The following DLGAP2 variants were observed in gnomAD, a reference collection of about 807,000 sequenced individuals.
DLGAP2 encodes DLG associated protein 2.
DLGAP2 carries 26 observed loss-of-function variants against 100.3 expected under a neutral mutation model. The ratio of observed to expected loss-of-function variants is 0.26; its 90% CI spans 0.19 to 0.36. DLGAP2 has a LOEUF of 0.36. DLGAP2 is among the 10% of genes least tolerant of loss of function. The probability of loss-of-function intolerance (pLI) is 1.00; values close to 1 mark genes in which losing one functional copy is unlikely to be tolerated. For missense variants in DLGAP2, 1,858 were observed against 1,453.2 expected (o/e 1.28, Z -4.53); for synonymous variants, 886 against 630.1 (o/e 1.41, Z -6.08).
intron 3 of DLGAP2, among the ~76,000 whole-genome samples, chr8:1,446,116 T>G (rs957391046): frequency 6.6e-6 from 1 of 152,030 alleles, no homozygotes; most frequent in African/African-American, 2.4e-5. Flanking sequence ...TTTGTCAATT[T>G]TGGCTTTTGT....
intron 2 of DLGAP2, among the ~76,000 whole-genome samples, chr8:914,209 C>T (rs1473910380): frequency 6.6e-6 from 1 of 152,178 alleles, no homozygotes; most frequent in Admixed American, 6.5e-5. Flanking sequence ...AAAGCAAAGT[C>T]AGGGCTGAGC....
At chr8:888,210 C>G (rs1797960043) in intron 1 of DLGAP2, among the ~76,000 whole-genome samples, 1 of 152,148 alleles carries the variant, frequency 6.6e-6, no homozygotes, top group African/African-American at 2.4e-5. Context: ...TCATGAAGTT[C>G]TCGTGCTGTG....
chr8:1,470,693 C>T (rs778611757), intron 3 of DLGAP2, among the ~76,000 whole-genome samples: 18 of 152,006 alleles, frequency 1.2e-4, no homozygotes, highest in African/African-American at 3.1e-4. Context: ...TGTAGCTCCA[C>T]GTGGATATTC....
At chr8:1,362,011 T>C (rs950668199) in intron 3 of DLGAP2, among the ~76,000 whole-genome samples, 4 of 152,194 alleles carry the variant, frequency 2.6e-5, no homozygotes, top group African/African-American at 9.6e-5. Flanking sequence ...GAATGGCCCC[T>C]TCCGTGCTAC....
chr8:1,240,079 TGCCGTTTCTAGTTCTCTCACATGGC>T (rs2116855971), intron 2 of DLGAP2, among the ~76,000 whole-genome samples: 1 of 129,216 alleles, frequency 7.7e-6, no homozygotes, highest in Admixed American at 7.5e-5. Flanking sequence ...TCTCACATGG[TGCCGTTTCTAGTTCTCTCACATGGC>T]GCCATGTCTA....
intron 2 of DLGAP2, among the ~76,000 whole-genome samples, chr8:1,156,197 C>A (rs1796781603): frequency 6.6e-6 from 1 of 152,180 alleles, no homozygotes; most frequent in Non-Finnish European, 1.5e-5. Flanking sequence ...TCAGACCCTC[C>A]CTCTGCCGCC....
At chr8:1,350,803 CGTGGAAAGGCCATGCGGGTCCTG>C (rs1801701785) in intron 3 of DLGAP2, among the ~76,000 whole-genome samples, 1 of 27,106 alleles carries the variant, frequency 3.7e-5, no homozygotes, top group Non-Finnish European at 6.8e-5. Context: ...CCTGAGTGTG[CGTGGAAAGGCCATGCGGGTCCTG>C]AGTGTGCGTG....
At chr8:1,429,721 C>T (rs998395794) in intron 3 of DLGAP2, among the ~76,000 whole-genome samples, 10 of 151,638 alleles carry the variant, frequency 6.6e-5, no homozygotes, top group South Asian at 2.1e-4. Flanking sequence ...TCCAAGCAGA[C>T]CTCTACTCCC....
At chr8:768,824 G>C (rs969599460) in intron 1 of DLGAP2, among the ~76,000 whole-genome samples, 1 of 152,124 alleles carries the variant, frequency 6.6e-6, no homozygotes, top group African/African-American at 2.4e-5. Flanking sequence ...AAATTGGCAT[G>C]CTTTAAAAAT....
intron 2 of DLGAP2, among the ~76,000 whole-genome samples, 185 bp from the exon 3 acceptor site, chr8:1,258,666 T>G (rs1799279709): frequency 6.6e-6 from 1 of 152,212 alleles, no homozygotes; most frequent in Admixed American, 6.5e-5. Flanking sequence ...GGGTAGCTTT[T>G]GAAGTAAAAG....
At chr8:745,155 T>G (rs1299171935) in intron 1 of DLGAP2, among the ~76,000 whole-genome samples, 1 of 152,270 alleles carries the variant, frequency 6.6e-6, no homozygotes, top group Non-Finnish European at 1.5e-5. Flanking sequence ...TTACCTTTTT[T>G]CTTGGTCTTT....
At chr8:822,837 G>C (rs1796609172) in intron 1 of DLGAP2, among the ~76,000 whole-genome samples, 1 of 152,174 alleles carries the variant, frequency 6.6e-6, no homozygotes, top group African/African-American at 2.4e-5. Context: ...GGGTGCTTCA[G>C]GGACTGTCCA....
chr8:1,143,551 T>A (rs1336174036), intron 2 of DLGAP2, among the ~76,000 whole-genome samples: 1 of 152,184 alleles, frequency 6.6e-6, no homozygotes, highest in Admixed American at 6.5e-5. Context: ...TCAAGTTACA[T>A]CTGGTCAGCG....
intron 3 of DLGAP2, among the ~76,000 whole-genome samples, chr8:1,411,234 A>G (rs946431425): frequency 2.0e-5 from 3 of 152,010 alleles, no homozygotes; most frequent in Non-Finnish European, 1.5e-5. Flanking sequence ...ATGTTTATAT[A>G]TATTGTGTCT....
chr8:851,838 G>C (rs994120260), intron 1 of DLGAP2, among the ~76,000 whole-genome samples: 4 of 151,482 alleles, frequency 2.6e-5, no homozygotes, highest in Admixed American at 2.0e-4. Context: ...TTCCGTGACT[G>C]CTGGGTGGCG....
chr8:1,435,213 T>C (rs1318701301), intron 3 of DLGAP2, among the ~76,000 whole-genome samples: 1 of 152,188 alleles, frequency 6.6e-6, no homozygotes, highest in Non-Finnish European at 1.5e-5. Flanking sequence ...CTTGAGCAGC[T>C]TTTGTAGATT....
At chr8:1,282,884 C>G (rs1171129724) in intron 3 of DLGAP2, among the ~76,000 whole-genome samples, 4 of 132,170 alleles carry the variant, frequency 3.0e-5, no homozygotes, top group Non-Finnish European at 6.4e-5. Context: ...GCGCCCTGAA[C>G]CATCCGGACG....
At chr8:1,234,256 G>A (rs1798597167) in intron 2 of DLGAP2, among the ~76,000 whole-genome samples, 1 of 152,200 alleles carries the variant, frequency 6.6e-6, no homozygotes, top group African/African-American at 2.4e-5. Flanking sequence ...AACCAGCACA[G>A]GAATGCACGT....
At chr8:1,648,989 G>A (rs113844445) in intron 8 of DLGAP2, among the ~76,000 whole-genome samples, 11 of 152,170 alleles carry the variant, frequency 7.2e-5, no homozygotes, top group African/African-American at 2.4e-4. Flanking sequence ...CAGCCACCAC[G>A]AGGTCATCCT....
Sources: allele counts gnomAD v4.1 joint callset (sites outside exome capture counted in the v4.1 genomes callset), GRCh38; gene constraint gnomAD v4.1.1; transcripts MANE v1.5; gene names NCBI Gene and HGNC (gene_info 2026-07-23, HGNC 2026-07-21).